ROS1: variants seen among roughly 807,000 people sequenced by gnomAD.
ROS1 encodes ROS proto-oncogene 1, receptor tyrosine kinase.
ROS1 carries 263 observed loss-of-function variants against 273.5 expected under a neutral mutation model. The observed-to-expected ratio is 0.96, with a 90% CI of 0.87 to 1.06. ROS1 has a LOEUF of 1.06. Ranked by LOEUF, ROS1 falls within the 50% of genes least tolerant of loss-of-function variation. The pLI is 0.00. For missense variants in ROS1, 2,833 were observed against 2,751.1 expected, an observed-to-expected ratio of 1.03 and a Z score of -0.67; for synonymous variants, 1,008 against 954.1, an observed-to-expected ratio of 1.06 and a Z score of -1.04.
Position 117,379,077 on chromosome 6 carries a change from G to T in ROS1, c.2564C>A (p.Ala855Asp), listed in dbSNP as rs1231286589. 5.0e-6 allele frequency: 8 copies of T among 1,610,778 alleles called. No homozygotes were observed. The highest frequency in any genetic ancestry group is 6.8e-6 in the Non-Finnish European group (8 of 1,177,570). ...TACTTACCTCTGTCCCCGAAGAACAGCTGTGTACAGGTGAATACATTGACT... is the reference window on the plus strand; with the variant it reads ...TACTTACCTCTGTCCCCGAAGAACATCTGTGTACAGGTGAATACATTGACT... Reference protein sequence around the residue: ...QDSQCIHLYTAVLRGQSTGDT... With the variant: ...QDSQCIHLYTDVLRGQSTGDT... Residue 855 changes from alanine to aspartate, a missense_variant, in exon 18 of 44, where the codon GCT becomes GAT. Coordinates refer to ENST00000368507, the MANE Select transcript of ROS1 (RefSeq NM_001378902.1).
chr6:117,398,662 G>A (rs1312914799), intron 7 of ROS1, among the ~76,000 whole-genome samples: 1 of 134,852 alleles, frequency 7.4e-6, no homozygotes, highest in Non-Finnish European at 1.7e-5. Context: ...CTGGGTGACA[G>A]AGTGAGACCT....
At chr6:117,324,897 G>A (rs561928346) in intron 34 of ROS1, among the ~76,000 whole-genome samples, 1 of 152,136 alleles carries the variant, frequency 6.6e-6, no homozygotes, top group African/African-American at 2.4e-5. Flanking sequence ...TATGGCATGA[G>A]GACCAAATCT....
At chr6:117,304,835 T>A (rs931578415) in intron 42 of ROS1, among the ~76,000 whole-genome samples, 35 of 152,148 alleles carry the variant, frequency 2.3e-4, no homozygotes, top group African/African-American at 8.2e-4. Flanking sequence ...GGGGCAGATT[T>A]CCACCTTGCT....
chr6:117,404,360 T>C lies in ROS1; in HGVS notation c.385A>G (p.Lys129Glu). 6.2e-7 allele frequency: 1 copy of C among 1,614,068 alleles called. No individual in the cohort carries two copies. The highest frequency in any genetic ancestry group is 8.5e-7 in the Non-Finnish European group (1 of 1,179,926). The part of the protein sequence containing the change: ...IGSHNMTLRW[K>E]SANFSGVKYI... Reference sequence around the variant, plus strand: ...TTTACTCCAGAGAAGTTTGCAGATTTCCATCGTAATGTCATATTGTGGCTT... The same window carrying C: ...TTTACTCCAGAGAAGTTTGCAGATTCCCATCGTAATGTCATATTGTGGCTT... Residue 129 changes from lysine to glutamate, a missense_variant, in exon 6 of 44, where the codon AAA becomes GAA. Coordinates refer to ENST00000368507, the MANE Select transcript of ROS1 (RefSeq NM_001378902.1).
chr6:117,396,116 G>C, intron 9 of ROS1, 72 bp downstream of exon 9: 1 of 1,126,342 alleles, frequency 8.9e-7, no homozygotes, highest in Non-Finnish European at 1.3e-6. Flanking sequence ...AGGTGACCCA[G>C]GGCTTCTGGC....
intron 43 of ROS1, among the ~76,000 whole-genome samples, chr6:117,293,111 G>A (rs1374958235): frequency 2.0e-5 from 3 of 152,064 alleles, no homozygotes; most frequent in South Asian, 2.1e-4. Flanking sequence ...TTCTAAGTAG[G>A]TCTCAGCTTA....
chr6:117,420,457 C>T (rs9489158), intron 1 of ROS1, among the ~76,000 whole-genome samples: 46,499 of 145,304 alleles, frequency 0.32, 8,548 homozygotes, highest in African/African-American at 0.48. Context: ...GGAGGGATAG[C>T]ATTAGGAGAT....
At chr6:117,365,362 G>GA (rs1780128845) in intron 20 of ROS1, among the ~76,000 whole-genome samples, 158 bp from the exon 21 acceptor site, 2 of 152,180 alleles carry the variant, frequency 1.3e-5, no homozygotes, top group South Asian at 4.1e-4. Flanking sequence ...GTGCCACACA[G>GA]ACCAGTTAAA....
rs560203349 is a variant in ROS1, at chr6:117,389,516, T to A, written c.1620A>T (p.Gly540=). The A allele has an allele frequency of 5.6e-6, 9 of 1,614,168 alleles. No individual in the cohort carries two copies. In the South Asian group the frequency reaches 8.8e-5, roughly 16 times the overall value. The change falls in exon 13 of 44, where the codon GGA becomes GGT. Residue 540 remains glycine, a synonymous_variant. Coordinates refer to ENST00000368507, the MANE Select transcript of ROS1 (RefSeq NM_001378902.1). ...DALSFNEFIV[G]CDLSHIEEFG... is the part of the protein sequence containing the mutation. ...ATTCTTCTATGTGACTCAGGTCACA[T>A]CCCACGATGAATTCATTAAAAGACA... is the stretch of plus-strand genomic sequence containing the variant.
chr6:117,390,173 C>A (rs1772948186), intron 12 of ROS1, among the ~76,000 whole-genome samples: 1 of 151,918 alleles, frequency 6.6e-6, no homozygotes, highest in Non-Finnish European at 1.5e-5. Context: ...GTCACCCAGG[C>A]TGGAGTTCAG....
chr6:117,315,352 A>G (rs182586316), intron 39 of ROS1, among the ~76,000 whole-genome samples: 251 of 152,164 alleles, frequency 1.6e-3, no homozygotes, highest in African/African-American at 5.9e-3. Context: ...TATCAAAGAG[A>G]CAATGAAAAA....
chr6:117,288,909 C>T, intron 43 of ROS1, 107 bp from the exon 44 acceptor site: 1 of 898,076 alleles, frequency 1.1e-6, no homozygotes, highest in Non-Finnish European at 1.6e-6. Flanking sequence ...CACATTTGTT[C>T]AGCAAACATT....
At position 117,414,608 on chromosome 6, in the gene ROS1, T is replaced by G. The variant is rs1775195769; in HGVS notation, c.229-63A>C. The G allele has an allele frequency of 4.3e-6, 3 of 692,416 alleles. No individual in the cohort carries two copies. In the Admixed American group the frequency reaches 7.8e-5, roughly 18 times the overall value. The allele number at this position is 692,416 out of a possible 1,614,324, so 42.9% of individuals were successfully genotyped here. A position where few individuals can be genotyped will look rare whatever the true frequency, so the allele number is the denominator to read the frequency against. ...AAGTTGTAAATAATTTTAGTGACAC[T>G]GAGCTGTACAATCATTTCAAATTAA... On this transcript the variant is annotated intron_variant, in intron 3 of 43. Coordinates refer to ENST00000368507, the MANE Select transcript of ROS1 (RefSeq NM_001378902.1).
At chr6:117,300,226 C>G (rs1277925824) in intron 43 of ROS1, among the ~76,000 whole-genome samples, 1 of 150,672 alleles carries the variant, frequency 6.6e-6, no homozygotes, top group Non-Finnish European at 1.5e-5. Flanking sequence ...GCTGGGATTA[C>G]AGGCGTGAGC....
chr6:117,410,897 C>T (rs117077040), intron 4 of ROS1, among the ~76,000 whole-genome samples: 7 of 152,232 alleles, frequency 4.6e-5, no homozygotes, highest in Non-Finnish European at 1.0e-4. Flanking sequence ...ATTTAGTATA[C>T]GTTTCGCATC....
chr6:117,385,888 T>C, intron 15 of ROS1, 27 bp from the exon 16 acceptor site: 1 of 1,592,812 alleles, frequency 6.3e-7, no homozygotes, highest in South Asian at 1.1e-5. Flanking sequence ...TGATTAGCAG[T>C]TATTTTTCAT....
In ROS1 at chr6:117,356,738, G is replaced by A. The variant is rs1346010401; in HGVS notation, c.4017C>T (p.Thr1339=). 1.9e-6 allele frequency: 3 copies of A among 1,613,948 alleles called. No individual in the cohort carries two copies. The highest frequency in any genetic ancestry group is 1.7e-5 in the Admixed American group (1 of 59,990). The part of the protein sequence containing the change: ...FELSGAMAID[T]SNLEKPLIYF... The stretch of plus-strand genomic sequence containing the variant: ...ATATCAATGGTTTCTCTAGGTTAGA[G>A]GTATCAATAGCCATTGCTCCACTTA... The change falls in exon 26 of 44, where the codon ACC becomes ACT. Residue 1339 remains threonine, a synonymous_variant. Transcript: ENST00000368507.
chr6:117,330,079 G>T (rs967369618), intron 32 of ROS1, among the ~76,000 whole-genome samples: 2 of 152,170 alleles, frequency 1.3e-5, no homozygotes, highest in African/African-American at 4.8e-5. Flanking sequence ...TCCCTGGGCG[G>T]CGGGGAGAAA....
chr6:117,423,228 T>G (rs896780151), intron 1 of ROS1, among the ~76,000 whole-genome samples: 6 of 151,994 alleles, frequency 3.9e-5, no homozygotes, highest in African/African-American at 1.5e-4. Context: ...GGCTGATGGG[T>G]GCACCAAAAT....
Sources: allele counts gnomAD v4.1 joint callset (sites outside exome capture counted in the v4.1 genomes callset), GRCh38; gene constraint gnomAD v4.1.1; transcripts MANE v1.5; gene names NCBI Gene and HGNC (gene_info 2026-07-23, HGNC 2026-07-21).